Variants in TFPI observed in about 807,000 individuals in gnomAD.
TFPI encodes tissue factor pathway inhibitor, also known as anti-convertin.
Under a neutral mutation model 34.6 loss-of-function variants are expected in TFPI, and 15 were observed. The observed-to-expected ratio is 0.43, with a 90% confidence interval of 0.29 to 0.67. TFPI has a LOEUF of 0.67. Ranked by LOEUF, TFPI falls within the 30% of genes least tolerant of loss-of-function variation. The pLI is 0.15. For synonymous variants in TFPI, 105 were observed against 120.1 expected (o/e 0.87, Z 0.82); for missense variants, 301 against 364.0 (o/e 0.83, Z 1.41).
chr2:187,516,415 G>A (rs1687007194), intron 1 of TFPI: 1 of 152,156 alleles, frequency 6.6e-6, no homozygotes, highest in Non-Finnish European at 1.5e-5. Context: ...AATAGTAATA[G>A]GAACCTGCTT....
chr2:187,532,568 A>G (rs1343268098), intron 1 of TFPI, among the ~76,000 whole-genome samples: 2 of 152,208 alleles, frequency 1.3e-5, no homozygotes, highest in Non-Finnish European at 1.5e-5. Context: ...CGCTTTCCCC[A>G]TGGTCTTTGC....
At chr2:187,541,676 C>T (rs1013823504) in intron 1 of TFPI, among the ~76,000 whole-genome samples, 25 of 152,164 alleles carry the variant, frequency 1.6e-4, no homozygotes, top group African/African-American at 5.3e-4. Context: ...GAAGCAAGCA[C>T]TCTCCTGAAC....
At chr2:187,542,341 G>T (rs1688623421) in intron 1 of TFPI, among the ~76,000 whole-genome samples, 1 of 151,880 alleles carries the variant, frequency 6.6e-6, no homozygotes, top group Admixed American at 6.6e-5. Flanking sequence ...GTGTTTGTGT[G>T]TGTGTGTGTG....
chr2:187,525,521 G>A (rs991527319), intron 1 of TFPI, among the ~76,000 whole-genome samples: 2 of 151,992 alleles, frequency 1.3e-5, no homozygotes, highest in African/African-American at 4.8e-5. Flanking sequence ...GTTAAGAAGA[G>A]GGGGTTTGTA....
At chr2:187,534,187 G>C (rs1302046439) in intron 1 of TFPI, among the ~76,000 whole-genome samples, 2 of 152,112 alleles carry the variant, frequency 1.3e-5, no homozygotes, top group East Asian at 3.9e-4. Context: ...TAGCAAGACA[G>C]GCCAACATTC....
At chr2:187,512,703 G>C (rs1334639139) in intron 1 of TFPI, among the ~76,000 whole-genome samples, 1 of 151,912 alleles carries the variant, frequency 6.6e-6, no homozygotes, top group South Asian at 2.1e-4. Context: ...AGACAGTCTA[G>C]TCCACAGACA....
Position 187,465,511 on chromosome 2 carries a change from G to GAAAAAAAAAAAAAAAAAAA in TFPI, c.*1424_*1425insTTTTTTTTTTTTTTTTTTT, listed in dbSNP as rs1691675025. ...CAAAATGAAAAAAAAAAAAAAACAA[G>GAAAAAAAAAAAAAAAAAAA]AAAAAAGAAAAGAAAAAGAAAAAAG... On this transcript the variant is annotated 3_prime_UTR_variant, in exon 8 of 8. Transcript: ENST00000233156. The GAAAAAAAAAAAAAAAAAAA allele has an allele frequency of 1.8e-5, 1 of 54,266 alleles. No homozygotes were observed. The highest frequency in any genetic ancestry group is 3.9e-5 in the Non-Finnish European group (1 of 25,712). The allele number at this position is 54,266 out of a possible 1,614,324, so 3.4% of individuals were successfully genotyped here.
chr2:187,496,075 G>A (rs546470618), intron 3 of TFPI, among the ~76,000 whole-genome samples: 1 of 152,114 alleles, frequency 6.6e-6, no homozygotes, highest in Non-Finnish European at 1.5e-5. Context: ...CAGAGTAAAA[G>A]TTTAATATAA....
chr2:187,470,262 T>C (rs1200968517), intron 6 of TFPI, among the ~76,000 whole-genome samples: 1 of 152,178 alleles, frequency 6.6e-6, no homozygotes, highest in Non-Finnish European at 1.5e-5. Context: ...TTTGCAAATG[T>C]TAGTTGTTAC....
At chr2:187,490,661 A>G (rs1209120425) in intron 3 of TFPI, among the ~76,000 whole-genome samples, 8 of 151,580 alleles carry the variant, frequency 5.3e-5, no homozygotes, top group African/African-American at 1.9e-4. Context: ...TTATTTTTGC[A>G]TACAGAGTGA....
intron 2 of TFPI, chr2:187,499,727 CAG>C (rs1685726064): frequency 7.7e-6 from 1 of 130,378 alleles, no homozygotes; most frequent in Non-Finnish European, 1.6e-5. Flanking sequence ...CATAACAAAG[CAG>C]GAATAAAAAT....
rs1339590596 is a variant in TFPI at position 187,466,876 on chromosome 2, A to G, written c.*60T>C. ...CATTTTAGAAGAAAAATAGAAAATCATAGTGAAACATTTCATATAAAATAT... is the reference window on the plus strand; with the variant it reads ...CATTTTAGAAGAAAAATAGAAAATCGTAGTGAAACATTTCATATAAAATAT... On this transcript the variant is annotated 3_prime_UTR_variant, in exon 8 of 8. Transcript: ENST00000233156. 2 of 946,932 alleles carry G rather than the reference A, an allele frequency of 2.1e-6. No individual in the cohort carries two copies. The highest frequency in any genetic ancestry group is 3.1e-6 in the Non-Finnish European group (2 of 651,086). The allele number at this position is 946,932 out of a possible 1,614,324, so 58.7% of individuals were successfully genotyped here. A position where few individuals can be genotyped will look rare whatever the true frequency, so the allele number is the denominator to read the frequency against.
At chr2:187,475,298 A>G (rs1489602662) in intron 6 of TFPI, among the ~76,000 whole-genome samples, 1 of 152,182 alleles carries the variant, frequency 6.6e-6, no homozygotes, top group Admixed American at 6.5e-5. Context: ...TCCAAAGACA[A>G]AAAATATGTA....
chr2:187,491,168 G>A (rs973064481), intron 3 of TFPI, among the ~76,000 whole-genome samples: 1 of 151,540 alleles, frequency 6.6e-6, no homozygotes, highest in Non-Finnish European at 1.5e-5. Context: ...TTCTCTTTCA[G>A]TTCTTTGTTT....
intron 1 of TFPI, among the ~76,000 whole-genome samples, chr2:187,507,769 A>G (rs1686330366): frequency 6.6e-6 from 1 of 151,888 alleles, no homozygotes; most frequent in Non-Finnish European, 1.5e-5. Context: ...TTGCCTGTTC[A>G]CTCTGATGAT....
rs56921212 is a variant in TFPI, at chr2:187,540,890, CAA to C, written c.-3+13308_-3+13309del. ...TGGGTGACAGAGTGAGACTCCATCT[CAA>C]AAAAAAAAAAAAAAAGAAAAAAGAA... is the stretch of plus-strand genomic sequence containing the variant. On this transcript the variant is annotated intron_variant, in intron 1 of 7. Transcript: ENST00000233156. Among the ~76,000 whole-genome samples, 142 of 84,742 alleles carry C rather than the reference CAA, an allele frequency of 1.7e-3. 1 individual carries two copies. The highest frequency in any genetic ancestry group is 4.1e-3 in the South Asian group (10 of 2,414). 55.6% of individuals were successfully genotyped at this position (84,742 alleles called of 152,430 possible). A position where few individuals can be genotyped will look rare whatever the true frequency, so the allele number is the denominator to read the frequency against.
chr2:187,546,810 G>GT (rs1167992506), intron 1 of TFPI: 1 of 144,544 alleles, frequency 6.9e-6, no homozygotes, highest in African/African-American at 2.7e-5. Flanking sequence ...CTTTAATTGT[G>GT]TATCTACCTA....
At chr2:187,507,522 G>C (rs1686309378) in intron 1 of TFPI, among the ~76,000 whole-genome samples, 1 of 152,086 alleles carries the variant, frequency 6.6e-6, no homozygotes, top group South Asian at 2.1e-4. Context: ...TCCAGCATCT[G>C]TTATTTCCTG....
chr2:187,529,927 C>T (rs550201038), intron 1 of TFPI, among the ~76,000 whole-genome samples: 25 of 152,300 alleles, frequency 1.6e-4, no homozygotes, highest in African/African-American at 4.3e-4. Context: ...ATACAGCAAT[C>T]GCCAACTTCT....
Sources: gnomAD v4.1 joint callset for allele counts (sites outside exome capture counted in the v4.1 genomes callset) on GRCh38, gnomAD v4.1.1 for gene constraint, MANE v1.5 for transcripts, NCBI Gene and HGNC (gene_info 2026-07-23, HGNC 2026-07-21) for gene names.